The following RAPGEF6 variants were observed in gnomAD, a reference collection of about 807,000 sequenced individuals.
RAPGEF6 encodes PDZ domain containing guanine nucleotide exchange factor (GEF) 2.
RAPGEF6 carries 56 observed loss-of-function variants against 171.4 expected under a neutral mutation model. The observed-to-expected ratio is 0.33, with a 90% CI of 0.26 to 0.41. The LOEUF (loss-of-function observed/expected upper bound fraction) is 0.41, where lower values mean the gene tolerates loss of function less well. Ranked by LOEUF, RAPGEF6 falls within the 10% of genes least tolerant of loss-of-function variation. The probability of loss-of-function intolerance (pLI) is 1.00; values close to 1 mark genes in which losing one functional copy is unlikely to be tolerated. For missense variants in RAPGEF6, 1,674 were observed against 1,921.4 expected, an observed-to-expected ratio of 0.87 and a Z score of 2.41; for synonymous variants, 692 against 650.1, an observed-to-expected ratio of 1.06 and a Z score of -0.98.
At chr5:131,584,147 A>G (rs1763116777) in intron 4 of RAPGEF6, among the ~76,000 whole-genome samples, 1 of 152,204 alleles carries the variant, frequency 6.6e-6, no homozygotes, top group South Asian at 2.1e-4. Context: ...TATATGCCAA[A>G]GCTTATCAAA....
chr5:131,435,109 CAT>C (rs1471398596), intron 24 of RAPGEF6, among the ~76,000 whole-genome samples: 1 of 152,190 alleles, frequency 6.6e-6, no homozygotes, highest in African/African-American at 2.4e-5. Flanking sequence ...GAGTTATTCA[CAT>C]ATAACTCAAG....
chr5:131,521,723 C>G (rs1758491349), intron 6 of RAPGEF6, among the ~76,000 whole-genome samples: 2 of 152,032 alleles, frequency 1.3e-5, no homozygotes, highest in Non-Finnish European at 2.9e-5. Flanking sequence ...CAATGGTAAG[C>G]TCACTGAACA....
chr5:131,502,217 C>T (rs749831364), intron 11 of RAPGEF6, among the ~76,000 whole-genome samples: 1 of 152,154 alleles, frequency 6.6e-6, no homozygotes, highest in South Asian at 2.1e-4. Flanking sequence ...TCCTTCAATA[C>T]AATGAGTTAA....
chr5:131,573,372 C>A (rs868522788), intron 4 of RAPGEF6, among the ~76,000 whole-genome samples: 90 of 152,098 alleles, frequency 5.9e-4, no homozygotes, highest in African/African-American at 2.1e-3. Flanking sequence ...CCCAAATCAG[C>A]CAGCGTTTAG....
intron 3 of RAPGEF6, among the ~76,000 whole-genome samples, chr5:131,594,027 G>C (rs1217821302): frequency 6.6e-6 from 1 of 152,162 alleles, no homozygotes; most frequent in East Asian, 1.9e-4. Context: ...AACACAATGG[G>C]GAAAATGTTT....
intron 6 of RAPGEF6, among the ~76,000 whole-genome samples, chr5:131,538,369 G>A (rs1759912743): frequency 6.6e-6 from 1 of 152,160 alleles, no homozygotes; most frequent in African/African-American, 2.4e-5. Flanking sequence ...TACAGCCTAT[G>A]GTTCCCAGGC....
intron 11 of RAPGEF6, among the ~76,000 whole-genome samples, chr5:131,503,600 A>C (rs1208995503): frequency 6.6e-6 from 1 of 152,230 alleles, no homozygotes; most frequent in East Asian, 1.9e-4. Context: ...CATATTATTA[A>C]GTAAACTGCT....
At chr5:131,456,966 CAAAT>C (rs1434184461) in intron 19 of RAPGEF6, among the ~76,000 whole-genome samples, 1 of 152,184 alleles carries the variant, frequency 6.6e-6, no homozygotes, top group African/African-American at 2.4e-5. Flanking sequence ...AAGCTGATGA[CAAAT>C]AATGTCTGCA....
intron 19 of RAPGEF6, among the ~76,000 whole-genome samples, chr5:131,458,573 G>A (rs1294677456): frequency 1.3e-5 from 2 of 152,208 alleles, no homozygotes; most frequent in African/African-American, 4.8e-5. Context: ...TGGATGGCAA[G>A]AGCCATTGTT....
At chr5:131,554,135 G>A (rs1761087810) in intron 5 of RAPGEF6, among the ~76,000 whole-genome samples, 2 of 152,046 alleles carry the variant, frequency 1.3e-5, no homozygotes, top group Admixed American at 1.3e-4. Context: ...TACGATGAAT[G>A]TAAAAAAATA....
intron 6 of RAPGEF6, among the ~76,000 whole-genome samples, chr5:131,536,394 G>A (rs1289751269): frequency 6.6e-6 from 1 of 152,090 alleles, no homozygotes; most frequent in African/African-American, 2.4e-5. Flanking sequence ...TAGGACTTCT[G>A]CTTTCAAACT....
At chr5:131,481,037 T>A (rs1025169851) in intron 15 of RAPGEF6, among the ~76,000 whole-genome samples, 2 of 151,478 alleles carry the variant, frequency 1.3e-5, no homozygotes, top group Admixed American at 6.6e-5. Flanking sequence ...GTTCAAGAGG[T>A]TATCCTGCCT....
intron 5 of RAPGEF6, among the ~76,000 whole-genome samples, chr5:131,550,370 CA>C (rs1457601198): frequency 6.6e-6 from 1 of 152,154 alleles, no homozygotes; most frequent in Non-Finnish European, 1.5e-5. Context: ...ACTCCATCCC[CA>C]AAATACTTTT....
intron 21 of RAPGEF6, among the ~76,000 whole-genome samples, chr5:131,450,745 G>A (rs10079835): frequency 2.6e-5 from 4 of 151,968 alleles, no homozygotes; most frequent in African/African-American, 9.7e-5. Flanking sequence ...TTAAAGAAAG[G>A]TATTACATTT....
intron 17 of RAPGEF6, among the ~76,000 whole-genome samples, chr5:131,469,267 CT>C (rs1421526099): frequency 6.6e-6 from 1 of 152,090 alleles, no homozygotes; most frequent in African/African-American, 2.4e-5. Flanking sequence ...TAAATAATAA[CT>C]AAATTCTGAG....
intron 20 of RAPGEF6, 67 bp from the exon 21 acceptor site, chr5:131,453,244 G>A (rs1190797747): frequency 8.7e-6 from 13 of 1,499,948 alleles, no homozygotes; most frequent in South Asian, 6.5e-5. Flanking sequence ...CAAAAGTCAA[G>A]CTGGTAATCT....
chr5:131,547,848 A>G (rs1254686841), intron 6 of RAPGEF6, among the ~76,000 whole-genome samples, 199 bp downstream of exon 6: 1 of 152,096 alleles, frequency 6.6e-6, no homozygotes, highest in Non-Finnish European at 1.5e-5. Flanking sequence ...ACAAAAAAGC[A>G]AAACCAGAAC....
Position 131,592,419 on chromosome 5 carries a change from A to C in RAPGEF6, c.245T>G (p.Val82Gly). 1 of 1,614,048 alleles carries C rather than the reference A, an allele frequency of 6.2e-7. No individual in the cohort carries two copies. The highest frequency in any genetic ancestry group is 8.5e-7 in the Non-Finnish European group (1 of 1,179,890). Residue 82 changes from valine to glycine, a missense_variant, in exon 4 of 28, where the codon GTG (valine) becomes GGG (glycine). Coordinates refer to ENST00000509018, the MANE Select transcript of RAPGEF6 (RefSeq NM_016340.6). ...CAAGACCATGGAGCCTTTCACAAGCACAGATCCAGAAAGTAGGATATACCA... is the reference window on the plus strand; with the variant it reads ...CAAGACCATGGAGCCTTTCACAAGCCCAGATCCAGAAAGTAGGATATACCA... ...RCWYILLSGSVLVKGSMVLPP... is the reference protein window; with the variant it reads ...RCWYILLSGSGLVKGSMVLPP...
intron 16 of RAPGEF6, among the ~76,000 whole-genome samples, chr5:131,478,196 A>G (rs1182041050): frequency 6.6e-6 from 1 of 152,210 alleles, no homozygotes; most frequent in Non-Finnish European, 1.5e-5. Flanking sequence ...GACTGGAAAT[A>G]AGAACTCAGG....
Sources: allele counts gnomAD v4.1 joint callset (sites outside exome capture counted in the v4.1 genomes callset), GRCh38; gene constraint gnomAD v4.1.1; transcripts MANE v1.5; gene names NCBI Gene and HGNC (gene_info 2026-07-23, HGNC 2026-07-21).